The following MEGF11 variants were observed in gnomAD, a reference collection of about 807,000 sequenced individuals.
MEGF11 encodes multiple epidermal growth factor-like domains protein 11.
Under a neutral mutation model 146.6 loss-of-function variants are expected in MEGF11, and 126 were observed. That is an observed-to-expected ratio of 0.86 (90% CI 0.74 to 1.00). The LOEUF (loss-of-function observed/expected upper bound fraction) is 1.00, where lower values mean the gene tolerates loss of function less well. MEGF11 is among the 50% of genes least tolerant of loss of function. The pLI is 0.00. For missense variants in MEGF11, 1,509 were observed against 1,521.2 expected, an observed-to-expected ratio of 0.99 and a Z score of 0.13; for synonymous variants, 532 against 583.4, an observed-to-expected ratio of 0.91 and a Z score of 1.27.
chr15:66,225,862 C>A (rs1311982889), intron 1 of MEGF11, among the ~76,000 whole-genome samples: 3 of 152,140 alleles, frequency 2.0e-5, no homozygotes, highest in African/African-American at 7.2e-5. Flanking sequence ...TATACAGGCA[C>A]ATGCAAACAT....
chr15:66,107,245 T>A (rs1445768800), intron 4 of MEGF11, among the ~76,000 whole-genome samples: 3 of 152,192 alleles, frequency 2.0e-5, no homozygotes, highest in Non-Finnish European at 2.9e-5. Flanking sequence ...AAGACAGGTC[T>A]CCAAAGACAT....
At chr15:66,033,439 A>C (rs1334707786) in intron 5 of MEGF11, among the ~76,000 whole-genome samples, 2 of 152,242 alleles carry the variant, frequency 1.3e-5, no homozygotes, top group African/African-American at 2.4e-5. Flanking sequence ...TGGCTGACCC[A>C]GTCACAGCTC....
At chr15:65,902,722 A>G (rs1202619841) in intron 24 of MEGF11, among the ~76,000 whole-genome samples, 1 of 152,224 alleles carries the variant, frequency 6.6e-6, no homozygotes, top group Non-Finnish European at 1.5e-5. Context: ...TGTCATTTGC[A>G]TCAGGATTGG....
chr15:65,977,207 A>G (rs1306573126), intron 7 of MEGF11, among the ~76,000 whole-genome samples: 5 of 149,590 alleles, frequency 3.3e-5, no homozygotes, highest in African/African-American at 9.8e-5. Context: ...ACATAAAAAG[A>G]GAAGGGGCCA....
At chr15:66,095,442 T>A (rs960191652) in intron 4 of MEGF11, among the ~76,000 whole-genome samples, 2 of 152,216 alleles carry the variant, frequency 1.3e-5, no homozygotes, top group African/African-American at 4.8e-5. Context: ...GATGGTTTTT[T>A]GTTTTGTTTT....
In MEGF11 at chr15:66,208,449, C is replaced by T. The variant is rs888058268; in HGVS notation, c.-9+45156G>A. On this transcript the variant is annotated intron_variant, in intron 1 of 25. Transcript: ENST00000395614. ...AAAGAGGGAAAAGAAAAACAGAAAACAAAAATAAAATGATAAATGAAAAAT... is the reference window on the plus strand; with the variant it reads ...AAAGAGGGAAAAGAAAAACAGAAAATAAAAATAAAATGATAAATGAAAAAT... Among the ~76,000 whole-genome samples the T allele has an allele frequency of 2.6e-5, 4 of 151,858 alleles. No homozygotes were observed. The East Asian group carries it at 5.8e-4, about 22-fold the overall frequency.
At chr15:66,239,295 C>A (rs768663003) in intron 1 of MEGF11, among the ~76,000 whole-genome samples, 5 of 152,202 alleles carry the variant, frequency 3.3e-5, no homozygotes, top group African/African-American at 4.8e-5. Context: ...CTTCTGGTAT[C>A]AACCCCCATC....
intron 9 of MEGF11, among the ~76,000 whole-genome samples, chr15:65,963,618 TTCC>T (rs1289691816): frequency 6.6e-6 from 1 of 152,240 alleles, no homozygotes; most frequent in African/African-American, 2.4e-5. Context: ...TGCTCGGGGT[TTCC>T]TCCTCATAGC....
At chr15:65,994,469 C>G (rs1403410518) in intron 5 of MEGF11, among the ~76,000 whole-genome samples, 1 of 152,214 alleles carries the variant, frequency 6.6e-6, no homozygotes, top group African/African-American at 2.4e-5. Flanking sequence ...GCCTGCCTCA[C>G]CTGTTGCCCT....
intron 1 of MEGF11, among the ~76,000 whole-genome samples, chr15:66,161,974 C>T (rs2089965387): frequency 6.6e-6 from 1 of 152,184 alleles, no homozygotes; most frequent in African/African-American, 2.4e-5. Context: ...ACAAAAGCTC[C>T]ACAAAGCAAT....
At chr15:66,110,018 G>T (rs529019496) in intron 4 of MEGF11, among the ~76,000 whole-genome samples, 1 of 152,164 alleles carries the variant, frequency 6.6e-6, no homozygotes, top group Non-Finnish European at 1.5e-5. Flanking sequence ...GTGCAGAGGG[G>T]CCCCGGGGTG....
intron 1 of MEGF11, among the ~76,000 whole-genome samples, chr15:66,168,898 G>A (rs946591642): frequency 1.3e-5 from 2 of 152,252 alleles, no homozygotes; most frequent in African/African-American, 4.8e-5. Flanking sequence ...TGAGGCAGGA[G>A]AATTGCTTGA....
chr15:66,124,076 C>A, intron 2 of MEGF11, 76 bp from the exon 3 acceptor site: 1 of 1,215,762 alleles, frequency 8.2e-7, no homozygotes, highest in Non-Finnish European at 1.2e-6. Flanking sequence ...GGCATCTGAG[C>A]CCACAGCCCT....
At chr15:66,158,139 TA>T (rs1036972981) in intron 1 of MEGF11, among the ~76,000 whole-genome samples, 43 of 151,752 alleles carry the variant, frequency 2.8e-4, no homozygotes, top group South Asian at 6.3e-4. Flanking sequence ...TTTTAGATAA[TA>T]AAAAAAAATT....
chr15:66,222,447 C>T (rs1453885400), intron 1 of MEGF11, among the ~76,000 whole-genome samples: 1 of 152,194 alleles, frequency 6.6e-6, no homozygotes, highest in Non-Finnish European at 1.5e-5. Context: ...CAGCCTCTTG[C>T]ACCTATTGCT....
intron 5 of MEGF11, among the ~76,000 whole-genome samples, chr15:66,075,105 T>C (rs2140494403): frequency 6.6e-6 from 1 of 152,328 alleles, no homozygotes; most frequent in Non-Finnish European, 1.5e-5. Context: ...TTACTTTGTT[T>C]AGGGTGTCAA....
intron 3 of MEGF11, among the ~76,000 whole-genome samples, chr15:66,122,974 G>A (rs889691663): frequency 2.0e-5 from 3 of 152,016 alleles, no homozygotes; most frequent in African/African-American, 7.2e-5. Context: ...TAGTAGAGAC[G>A]GGGTTTCACT....
intron 1 of MEGF11, among the ~76,000 whole-genome samples, chr15:66,225,694 A>C (rs960207869): frequency 1.3e-5 from 2 of 152,094 alleles, no homozygotes; most frequent in Admixed American, 1.3e-4. Context: ...TCATAGACAC[A>C]TGCACACAAC....
intron 4 of MEGF11, among the ~76,000 whole-genome samples, chr15:66,108,536 G>A (rs577843583): frequency 6.6e-6 from 1 of 152,336 alleles, no homozygotes; most frequent in South Asian, 2.1e-4. Flanking sequence ...GGAGGAGGCC[G>A]CCATTGCAGA....
Sources: allele counts gnomAD v4.1 joint callset (sites outside exome capture counted in the v4.1 genomes callset), GRCh38; gene constraint gnomAD v4.1.1; transcripts MANE v1.5; gene names NCBI Gene and HGNC (gene_info 2026-07-23, HGNC 2026-07-21).